Variants in RPS6KA5 observed in about 807,000 individuals in gnomAD.
RPS6KA5 encodes the protein ribosomal protein S6 kinase alpha-5.
In RPS6KA5, 27 loss-of-function variants were observed where a neutral mutation model predicts 85.5. The observed-to-expected ratio is 0.32, with a 90% CI of 0.23 to 0.44. The LOEUF (loss-of-function observed/expected upper bound fraction) is 0.44, where lower values mean the gene tolerates loss of function less well. RPS6KA5 is among the 20% of genes least tolerant of loss of function. RPS6KA5 has a pLI of 1.00. For synonymous variants in RPS6KA5, 334 were observed against 348.2 expected (o/e 0.96, Z 0.46); for missense variants, 811 against 980.9 (o/e 0.83, Z 2.31).
chr14:91,026,714 C>T (rs1418975460), intron 1 of RPS6KA5, among the ~76,000 whole-genome samples: 1 of 152,162 alleles, frequency 6.6e-6, no homozygotes, highest in Non-Finnish European at 1.5e-5. Flanking sequence ...TTCAGCTTTC[C>T]ACAGTGGCTG....
intron 14 of RPS6KA5, among the ~76,000 whole-genome samples, chr14:90,886,062 CT>C (rs1274542303): frequency 1.3e-5 from 2 of 151,856 alleles, no homozygotes; most frequent in African/African-American, 4.8e-5. Context: ...CAAGGTATAG[CT>C]CTATCTCTAC....
At chr14:91,017,958 G>T (rs2041575056) in intron 1 of RPS6KA5, among the ~76,000 whole-genome samples, 1 of 152,168 alleles carries the variant, frequency 6.6e-6, no homozygotes, top group Non-Finnish European at 1.5e-5. Context: ...CACAATAAAG[G>T]TAAGGAAGAG....
At chr14:90,926,469 G>A (rs1373980396) in intron 5 of RPS6KA5, among the ~76,000 whole-genome samples, 1 of 151,216 alleles carries the variant, frequency 6.6e-6, no homozygotes, top group East Asian at 1.9e-4. Context: ...CCAGAATATT[G>A]CAAAAGTCCT....
At chr14:90,985,885 C>T (rs944973013) in intron 2 of RPS6KA5, among the ~76,000 whole-genome samples, 2 of 152,094 alleles carry the variant, frequency 1.3e-5, no homozygotes, top group Admixed American at 1.3e-4. Context: ...TTACATGAAC[C>T]ACTGAAATGT....
rs2032379390 is a variant in RPS6KA5, at chr14:90,858,257, G to A, written c.*13817C>T. ...ATAAAATATAAAAACTGTTCTTGAT[G>A]TTATTTCTAAACAGATCTAGTATCA... is the stretch of plus-strand genomic sequence containing the variant. On this transcript the variant is annotated 3_prime_UTR_variant, in exon 17 of 17. Coordinates refer to ENST00000614987, the MANE Select transcript of RPS6KA5 (RefSeq NM_004755.4). The A allele has an allele frequency of 6.6e-6, 1 of 151,988 alleles. No homozygotes were observed. Among genetic ancestry groups the A allele is most frequent in the Non-Finnish European group, 1.5e-5 (1 of 67,994 alleles). 9.4% of individuals were successfully genotyped at this position (151,988 alleles called of 1,614,324 possible).
intron 8 of RPS6KA5, among the ~76,000 whole-genome samples, chr14:90,904,180 A>T (rs1484856596): frequency 2.6e-5 from 4 of 152,168 alleles, no homozygotes; most frequent in Admixed American, 2.6e-4. Flanking sequence ...CGATCTCCTG[A>T]CCTAGTGATC....
intron 5 of RPS6KA5, among the ~76,000 whole-genome samples, chr14:90,933,711 G>A (rs920430338): frequency 6.6e-6 from 1 of 152,102 alleles, no homozygotes; most frequent in Non-Finnish European, 1.5e-5. Context: ...TTTTGTGCAG[G>A]GAAGAAGCCA....
chr14:90,890,764 G>T, intron 13 of RPS6KA5, 86 bp from the exon 14 acceptor site: 1 of 1,231,776 alleles, frequency 8.1e-7, no homozygotes, highest in Non-Finnish European at 1.2e-6. Flanking sequence ...TTTGTATATT[G>T]ATAGTTGATT....
intron 14 of RPS6KA5, among the ~76,000 whole-genome samples, chr14:90,890,174 G>C (rs896009686): frequency 6.6e-6 from 1 of 152,042 alleles, no homozygotes; most frequent in Non-Finnish European, 1.5e-5. Context: ...GAATCATTTT[G>C]CTATTTTCAC....
chr14:90,885,611 G>C (rs1378453828), intron 14 of RPS6KA5, among the ~76,000 whole-genome samples: 3 of 132,826 alleles, frequency 2.3e-5, no homozygotes, highest in Admixed American at 7.8e-5. Flanking sequence ...GCGAGGTGGC[G>C]GGCGCCTGTA....
chr14:90,881,537 G>C (rs1395916214), intron 14 of RPS6KA5, among the ~76,000 whole-genome samples: 1 of 151,516 alleles, frequency 6.6e-6, no homozygotes, highest in Non-Finnish European at 1.5e-5. Context: ...TTTCGCTCTT[G>C]TTACCTAGGC....
rs548943376 is a variant in RPS6KA5, at chr14:90,888,413, T to C, written c.1836+2074A>G. On this transcript the variant is annotated intron_variant, in intron 14 of 16. Transcript: ENST00000614987. ...TTTATTTAGATTAATCTTTAAGACA[T>C]GCTACTAATAAAAATGTCTTCAATT... 7.2e-5 allele frequency among the ~76,000 whole-genome samples: 11 copies of C among 152,312 alleles called. No homozygotes were observed. The South Asian group carries it at 2.3e-3, about 32-fold the overall frequency.
chr14:90,890,734 T>C (rs2034503472), intron 13 of RPS6KA5, 56 bp from the exon 14 acceptor site: 3 of 1,473,188 alleles, frequency 2.0e-6, no homozygotes, highest in African/African-American at 1.4e-5. Context: ...TGGGAATTGC[T>C]GGTACTATTT....
intron 14 of RPS6KA5, among the ~76,000 whole-genome samples, chr14:90,883,348 CAAT>C (rs1057173376): frequency 7.2e-5 from 11 of 152,216 alleles, no homozygotes; most frequent in African/African-American, 2.6e-4. Flanking sequence ...TCCTCACACT[CAAT>C]AATTTTAATT....
intron 8 of RPS6KA5, 117 bp from the exon 9 acceptor site, chr14:90,903,086 C>T (rs1324610280): frequency 1.2e-6 from 1 of 839,800 alleles, no homozygotes; most frequent in East Asian, 2.6e-5. Context: ...AATAAGAGAA[C>T]ATATTTCAAA....
chr14:90,926,416 T>C (rs889806994), intron 5 of RPS6KA5, among the ~76,000 whole-genome samples: 19 of 151,358 alleles, frequency 1.3e-4, no homozygotes, highest in Admixed American at 3.9e-4. Flanking sequence ...AAAAAAAGAC[T>C]TAGTAAAATT....
intron 2 of RPS6KA5, among the ~76,000 whole-genome samples, chr14:90,982,879 C>A (rs1350043160): frequency 6.6e-6 from 1 of 152,032 alleles, no homozygotes; most frequent in Non-Finnish European, 1.5e-5. Context: ...TTTGGGAGGC[C>A]GAGGCGGGCA....
At position 90,852,645 on chromosome 14, in the gene RPS6KA5, C is replaced by T. The variant is rs2032058932; in HGVS notation, c.*19429G>A. ...TCCAGTTTGCCACATGAAAGGCATA[C>T]TTCCAACTTTTATTTTATCCACATT... is the stretch of plus-strand genomic sequence containing the variant. On this transcript the variant is annotated 3_prime_UTR_variant, in exon 17 of 17. Transcript: ENST00000614987. 6.6e-6 allele frequency: 1 copy of T among 151,690 alleles called. No individual in the cohort carries two copies. The highest frequency in any genetic ancestry group is 1.5e-5 in the Non-Finnish European group (1 of 67,936). The allele number at this position is 151,690 out of a possible 1,614,324, so 9.4% of individuals were successfully genotyped here. A position where few individuals can be genotyped will look rare whatever the true frequency, so the allele number is the denominator to read the frequency against.
At chr14:91,033,189 CAA>C (rs71117400) in intron 1 of RPS6KA5, among the ~76,000 whole-genome samples, 2 of 138,412 alleles carry the variant, frequency 1.4e-5, no homozygotes. Context: ...GACTCTGTCT[CAA>C]AAAAAAAAAA....
Sources: gnomAD v4.1 joint callset for allele counts (sites outside exome capture counted in the v4.1 genomes callset) on GRCh38, gnomAD v4.1.1 for gene constraint, MANE v1.5 for transcripts, NCBI Gene and HGNC (gene_info 2026-07-23, HGNC 2026-07-21) for gene names.